PPP2R2B: variants seen among roughly 807,000 people sequenced by gnomAD.
PPP2R2B encodes protein phosphatase 2 regulatory subunit Bbeta.
PPP2R2B carries 5 observed loss-of-function variants against 46.0 expected under a neutral mutation model. That is an observed-to-expected ratio of 0.11 (90% CI 0.06 to 0.23). The LOEUF (loss-of-function observed/expected upper bound fraction) is 0.23, where lower values mean the gene tolerates loss of function less well. PPP2R2B is among the 10% of genes least tolerant of loss of function. The probability of loss-of-function intolerance (pLI) is 1.00; values close to 1 mark genes in which losing one functional copy is unlikely to be tolerated. For synonymous variants in PPP2R2B, 215 were observed against 206.7 expected (o/e 1.04, Z -0.34); for missense variants, 367 against 575.0 (o/e 0.64, Z 3.70).
intron 6 of PPP2R2B, 70 bp from the exon 7 acceptor site, chr5:146,638,485 A>G: frequency 7.2e-7 from 1 of 1,390,194 alleles, no homozygotes; most frequent in Non-Finnish European, 1.0e-6. Context: ...AGAATTAGCA[A>G]TGGCACCATC....
chr5:146,746,408 A>G (rs1468067076), intron 2 of PPP2R2B, among the ~76,000 whole-genome samples: 2 of 152,148 alleles, frequency 1.3e-5, no homozygotes, highest in Non-Finnish European at 2.9e-5. Flanking sequence ...ATATGTAGCA[A>G]TCATTAGACA....
At chr5:146,661,018 G>A (rs919010736) in intron 5 of PPP2R2B, among the ~76,000 whole-genome samples, 4 of 152,210 alleles carry the variant, frequency 2.6e-5, no homozygotes, top group Non-Finnish European at 4.4e-5. Context: ...AACTTAGACT[G>A]AGGAATCAGA....
chr5:146,657,739 C>G (rs949085547), intron 5 of PPP2R2B, among the ~76,000 whole-genome samples: 1 of 152,162 alleles, frequency 6.6e-6, no homozygotes, highest in Non-Finnish European at 1.5e-5. Context: ...CCATCCCCAG[C>G]TCATTATGAT....
chr5:146,817,229 C>T (rs2151328289), intron 2 of PPP2R2B, among the ~76,000 whole-genome samples: 1 of 152,250 alleles, frequency 6.6e-6, no homozygotes, highest in East Asian at 1.9e-4. Context: ...ATCAGAATGA[C>T]ATTTAAGGTA....
chr5:146,886,562 T>C (rs1336905572), intron 1 of PPP2R2B, among the ~76,000 whole-genome samples: 1 of 151,854 alleles, frequency 6.6e-6, no homozygotes, highest in Non-Finnish European at 1.5e-5. Context: ...GAGTATGGAG[T>C]ATGCTATATC....
rs77493205 is a variant in PPP2R2B, at chr5:147,024,026, T to C, written c.79+31639A>G. Among the ~76,000 whole-genome samples the C allele has an allele frequency of 0.011, 1,702 of 152,310 alleles. 96 individuals carry two copies. The East Asian group carries it at 0.18, about 16-fold the overall frequency. ...GAGTTCCATCATTGGCTCCCATCAT[T>C]CTTGGCCTTTGGGCCCAGACTGAGT... On this transcript the variant is annotated intron_variant, in intron 1 of 8. Transcript: ENST00000336640.
intron 7 of PPP2R2B, among the ~76,000 whole-genome samples, chr5:146,631,281 C>T (rs1774407640): frequency 6.6e-6 from 1 of 152,196 alleles, no homozygotes; most frequent in Non-Finnish European, 1.5e-5. Flanking sequence ...AGTAAAACAA[C>T]AACCTTGGAG....
chr5:146,895,815 A>C (rs962453110), intron 1 of PPP2R2B, among the ~76,000 whole-genome samples: 3 of 152,214 alleles, frequency 2.0e-5, no homozygotes, highest in Admixed American at 6.5e-5. Flanking sequence ...TAGGAAAATA[A>C]AGAACCACAA....
chr5:146,595,383 T>A (rs1215194102), intron 8 of PPP2R2B, among the ~76,000 whole-genome samples: 7 of 152,224 alleles, frequency 4.6e-5, no homozygotes, highest in Admixed American at 2.0e-4. Context: ...CCTTTCCTCA[T>A]CTGTCACCAT....
chr5:146,845,132 G>C (rs1401259177), intron 2 of PPP2R2B, among the ~76,000 whole-genome samples: 1 of 151,974 alleles, frequency 6.6e-6, no homozygotes, highest in South Asian at 2.1e-4. Flanking sequence ...TCTTCTACTT[G>C]ATTAGCTTTC....
At chr5:146,826,136 G>A (rs954500727) in intron 2 of PPP2R2B, among the ~76,000 whole-genome samples, 9 of 152,062 alleles carry the variant, frequency 5.9e-5, no homozygotes, top group African/African-American at 1.9e-4. Flanking sequence ...TCGGTACTTG[G>A]CATTTCTTTT....
intron 5 of PPP2R2B, among the ~76,000 whole-genome samples, chr5:146,668,964 C>T (rs2151118273): frequency 6.6e-6 from 1 of 152,224 alleles, no homozygotes; most frequent in African/African-American, 2.4e-5. Flanking sequence ...AAATTATTTT[C>T]TCCAATAGCC....
intron 1 of PPP2R2B, among the ~76,000 whole-genome samples, chr5:146,954,666 T>A (rs1751792795): frequency 6.6e-6 from 1 of 151,088 alleles, no homozygotes; most frequent in Non-Finnish European, 1.5e-5. Flanking sequence ...AAATAAAAAA[T>A]TAAAAGAAAT....
chr5:146,593,574 G>A (rs1341911518), intron 8 of PPP2R2B, among the ~76,000 whole-genome samples: 6 of 152,132 alleles, frequency 3.9e-5, no homozygotes, highest in South Asian at 2.1e-4. Context: ...AGATCTTGTC[G>A]GGGGTGTATT....
At chr5:146,812,826 TATACACA>T (rs1757705253) in intron 2 of PPP2R2B, among the ~76,000 whole-genome samples, 3 of 91,786 alleles carry the variant, frequency 3.3e-5, no homozygotes, top group African/African-American at 1.2e-4. Context: ...TATATATATA[TATACACA>T]CACATTTCCA....
intron 1 of PPP2R2B, among the ~76,000 whole-genome samples, chr5:147,024,519 C>A (rs1451321218): frequency 6.6e-6 from 1 of 152,082 alleles, no homozygotes; most frequent in Non-Finnish European, 1.5e-5. Flanking sequence ...AAAAAATACA[C>A]ATTTTTAAAA....
At chr5:146,798,225 C>T (rs192370801) in intron 2 of PPP2R2B, among the ~76,000 whole-genome samples, 140 of 152,230 alleles carry the variant, frequency 9.2e-4, no homozygotes, top group Non-Finnish European at 1.7e-3. Context: ...TTCTTTCACT[C>T]GGTTGCCTCA....
rs765247186 is a variant in PPP2R2B, at chr5:146,776,868, T to A, written c.71-75726A>T. On this transcript the variant is annotated intron_variant, in intron 2 of 9. Coordinates refer to ENST00000394411, the MANE Select transcript of PPP2R2B (RefSeq NM_181675.4). ...AATACATGTTTTCTTATAAAAGATA[T>A]ACAAATGGCCAATATGTACATGAAA... Among the ~76,000 whole-genome samples the A allele has an allele frequency of 1.8e-3, 268 of 152,090 alleles. 4 individuals carry two copies. The highest frequency in any genetic ancestry group is 3.9e-3 in the Admixed American group (59 of 15,270).
intron 1 of PPP2R2B, among the ~76,000 whole-genome samples, chr5:147,016,248 T>A (rs1404595962): frequency 6.6e-6 from 1 of 151,332 alleles, no homozygotes; most frequent in African/African-American, 2.4e-5. Context: ...GGTAGGAGAA[T>A]TGTGTGAACC....
Sources: gnomAD v4.1 joint callset for allele counts (sites outside exome capture counted in the v4.1 genomes callset) on GRCh38, gnomAD v4.1.1 for gene constraint, MANE v1.5 for transcripts, NCBI Gene and HGNC (gene_info 2026-07-23, HGNC 2026-07-21) for gene names.